VSTM4: variants seen among roughly 807,000 people sequenced by gnomAD.
VSTM4 encodes the protein V-set and transmembrane domain containing 4.
Under a neutral mutation model 36.4 loss-of-function variants are expected in VSTM4, and 20 were observed. The observed-to-expected ratio is 0.55, with a 90% CI of 0.39 to 0.80. The LOEUF is 0.80. Ranked by LOEUF, VSTM4 falls within the 30% of genes least tolerant of loss-of-function variation. VSTM4 has a pLI of 0.00. For synonymous variants in VSTM4, 182 were observed against 173.9 expected (o/e 1.05, Z -0.37); for missense variants, 392 against 404.5 (o/e 0.97, Z 0.26).
intron 5 of VSTM4, among the ~76,000 whole-genome samples, chr10:49,049,388 A>T (rs941553563): frequency 1.3e-5 from 2 of 152,170 alleles, no homozygotes; most frequent in Non-Finnish European, 2.9e-5. Context: ...AGCTGCAAAC[A>T]TACACTGCTC....
intron 3 of VSTM4, among the ~76,000 whole-genome samples, 192 bp downstream of exon 3, chr10:49,085,763 A>T (rs1036416230): frequency 2.6e-5 from 4 of 152,116 alleles, no homozygotes; most frequent in South Asian, 2.1e-4. Flanking sequence ...AGGGGGAGGG[A>T]TGGCATTAGG....
chr10:49,107,065 CA>C (rs905219106), intron 2 of VSTM4, among the ~76,000 whole-genome samples: 1 of 152,206 alleles, frequency 6.6e-6, no homozygotes, highest in African/African-American at 2.4e-5. Flanking sequence ...CCACATAAGC[CA>C]AACCTCTCCC....
At chr10:49,050,081 T>G (rs1449997585) in intron 5 of VSTM4, among the ~76,000 whole-genome samples, 1 of 152,200 alleles carries the variant, frequency 6.6e-6, no homozygotes, top group Non-Finnish European at 1.5e-5. Context: ...TTGAGTAGAT[T>G]ATGGTGAATC....
chr10:49,083,025 G>A (rs1464110741), intron 3 of VSTM4, among the ~76,000 whole-genome samples: 1 of 152,208 alleles, frequency 6.6e-6, no homozygotes, highest in Non-Finnish European at 1.5e-5. Context: ...GATCCCAGCA[G>A]GGGTATATTC....
chr10:49,096,050 C>A (rs1025908465), intron 2 of VSTM4, among the ~76,000 whole-genome samples: 5 of 152,168 alleles, frequency 3.3e-5, no homozygotes, highest in Admixed American at 3.3e-4. Flanking sequence ...AATTTGATTC[C>A]TTTGAGTGTC....
intron 5 of VSTM4, 69 bp from the exon 6 acceptor site, chr10:49,048,653 ACCC>A: frequency 1.5e-6 from 2 of 1,299,942 alleles, no homozygotes; most frequent in Non-Finnish European, 2.1e-6. Flanking sequence ...AAAAAAAAAA[ACCC>A]ACAATAGCTT....
chr10:49,086,146 G>A, intron 2 of VSTM4, 123 bp from the exon 3 acceptor site: 1 of 578,128 alleles, frequency 1.7e-6, no homozygotes, highest in Non-Finnish European at 3.0e-6. Flanking sequence ...AAACTCACAT[G>A]TTAGGGAGGG....
Position 49,016,700 on chromosome 10 carries a change from C to A in VSTM4, c.*2950G>T, listed in dbSNP as rs1437885578. On this transcript the variant is annotated 3_prime_UTR_variant, in exon 8 of 8. Transcript: ENST00000332853. ...CTCACAAGAGTCAAGAGGTGGGAGG[C>A]CTGGCTTTTCCTTATTTTCCCTGTG... 1 of 152,216 alleles carries A rather than the reference C, an allele frequency of 6.6e-6. No homozygotes were observed. The highest frequency in any genetic ancestry group is 1.5e-5 in the Non-Finnish European group (1 of 68,032). The allele number at this position is 152,216 out of a possible 1,614,324, so 9.4% of individuals were successfully genotyped here. A position where few individuals can be genotyped will look rare whatever the true frequency, so the allele number is the denominator to read the frequency against.
chr10:49,065,344 G>A (rs1250942434), intron 4 of VSTM4, among the ~76,000 whole-genome samples: 1 of 152,186 alleles, frequency 6.6e-6, no homozygotes, highest in Non-Finnish European at 1.5e-5. Context: ...CAACCAGGGG[G>A]ACCCTTGAAT....
At chr10:49,052,884 A>G (rs974838987) in intron 5 of VSTM4, among the ~76,000 whole-genome samples, 4 of 152,154 alleles carry the variant, frequency 2.6e-5, no homozygotes, top group Admixed American at 6.5e-5. Flanking sequence ...ACTGCACTAA[A>G]TTTAATTTTA....
intron 3 of VSTM4, among the ~76,000 whole-genome samples, chr10:49,085,415 G>A (rs916912327): frequency 8.5e-5 from 13 of 152,230 alleles, no homozygotes; most frequent in African/African-American, 3.1e-4. Context: ...ATTGCAAACT[G>A]TTTCTAGAAC....
intron 2 of VSTM4, among the ~76,000 whole-genome samples, chr10:49,089,735 G>C (rs189461186): frequency 1.2e-4 from 18 of 152,302 alleles, no homozygotes; most frequent in Non-Finnish European, 2.5e-4. Context: ...TTTTTACATG[G>C]ACCCTGCCAG....
chr10:49,047,739 C>T (rs1843635543), intron 6 of VSTM4, among the ~76,000 whole-genome samples: 1 of 152,210 alleles, frequency 6.6e-6, no homozygotes, highest in South Asian at 2.1e-4. Flanking sequence ...TCCATGTGTG[C>T]TCAGCCTCAC....
At chr10:49,075,415 A>G (rs928582837) in intron 4 of VSTM4, among the ~76,000 whole-genome samples, 3 of 152,248 alleles carry the variant, frequency 2.0e-5, no homozygotes, top group Non-Finnish European at 4.4e-5. Flanking sequence ...TTTGTCCACC[A>G]TGTGCTGAGC....
At chr10:49,054,448 G>C (rs904876693) in intron 5 of VSTM4, among the ~76,000 whole-genome samples, 1 of 152,228 alleles carries the variant, frequency 6.6e-6, no homozygotes, top group African/African-American at 2.4e-5. Flanking sequence ...TGAGGGTGTG[G>C]CTGGTGCCTA....
chr10:49,110,205 G>A (rs554574429), intron 1 of VSTM4, among the ~76,000 whole-genome samples: 8 of 152,286 alleles, frequency 5.3e-5, no homozygotes, highest in Admixed American at 1.3e-4. Flanking sequence ...GAGTGCAGCC[G>A]GGACCCCACG....
At chr10:49,034,209 CACCATCA>C (rs1329071824) in intron 7 of VSTM4, among the ~76,000 whole-genome samples, 2 of 133,880 alleles carry the variant, frequency 1.5e-5, no homozygotes, top group Non-Finnish European at 3.4e-5. Flanking sequence ...TCACCATCAT[CACCATCA>C]CTATCACCAT....
At chr10:49,053,884 G>A (rs112286030) in intron 5 of VSTM4, among the ~76,000 whole-genome samples, 1,690 of 152,328 alleles carry the variant, frequency 0.011, 41 homozygotes, top group South Asian at 0.054. Context: ...ATTCCTGAGC[G>A]ATGGGCAGCC....
chr10:49,022,116 CA>C (rs1843189975), intron 7 of VSTM4, among the ~76,000 whole-genome samples: 2 of 143,406 alleles, frequency 1.4e-5, no homozygotes, highest in South Asian at 4.4e-4. Context: ...TTTTTTAATG[CA>C]TTTATTTTTT....
Sources: allele counts gnomAD v4.1 joint callset (sites outside exome capture counted in the v4.1 genomes callset), GRCh38; gene constraint gnomAD v4.1.1; transcripts MANE v1.5; gene names NCBI Gene and HGNC (gene_info 2026-07-23, HGNC 2026-07-21).